MIR2052HG: variants seen among roughly 807,000 people sequenced by gnomAD.
The protein encoded by MIR2052HG is MIR2052 host gene.
chr8:74,651,906 G>C (rs2128736202), intron 2 of MIR2052HG, among the ~76,000 whole-genome samples: 1 of 152,272 alleles, frequency 6.6e-6, no homozygotes, highest in East Asian at 1.9e-4. Context: ...TAATAAGAGG[G>C]AAGAAAGGTA....
chr8:74,739,374 G>A (rs1391652607), intron 4 of MIR2052HG, among the ~76,000 whole-genome samples: 2 of 152,130 alleles, frequency 1.3e-5, no homozygotes, highest in Non-Finnish European at 2.9e-5. Flanking sequence ...ACGTTCCCCA[G>A]GGTTTTTGTA....
intron 2 of MIR2052HG, among the ~76,000 whole-genome samples, chr8:74,613,954 G>A (rs1272367162): frequency 1.3e-5 from 2 of 152,208 alleles, no homozygotes; most frequent in Non-Finnish European, 2.9e-5. Flanking sequence ...GATGGAGACA[G>A]TAGTTTTATA....
At chr8:74,662,585 G>GA (rs889677397) in intron 2 of MIR2052HG, among the ~76,000 whole-genome samples, 9 of 151,624 alleles carry the variant, frequency 5.9e-5, no homozygotes, top group African/African-American at 1.7e-4. Context: ...TAAAATAAAA[G>GA]AAAAAAAAGA....
At chr8:74,660,418 G>A (rs1563525350) in intron 2 of MIR2052HG, among the ~76,000 whole-genome samples, 1 of 152,168 alleles carries the variant, frequency 6.6e-6, no homozygotes, top group Non-Finnish European at 1.5e-5. Flanking sequence ...CTGTGGTTGA[G>A]GCAGCCAGGT....
rs1331957162 is a variant in MIR2052HG, at chr8:74,753,626, T to C, written n.464+1093T>C. ...TATATTTCCCACTGTACCCAAGCTA[T>C]TTTTTGCATTCTTCTTACCCCCAGG... On this transcript the variant is annotated intron_variant and non_coding_transcript_variant, in intron 5 of 6. Coordinates refer to ENST00000523442, the Ensembl canonical transcript of MIR2052HG. Among the ~76,000 whole-genome samples, 10 of 152,292 alleles carry C rather than the reference T, an allele frequency of 6.6e-5. No homozygotes were observed. The East Asian group carries it at 1.2e-3, about 18-fold the overall frequency.
intron 2 of MIR2052HG, among the ~76,000 whole-genome samples, chr8:74,623,532 T>C (rs1187653945): frequency 2.0e-5 from 3 of 152,228 alleles, no homozygotes; most frequent in African/African-American, 7.2e-5. Flanking sequence ...TTTTTAATTT[T>C]AAATTTTATT....
chr8:74,737,793 T>C (rs1809783166), intron 4 of MIR2052HG, among the ~76,000 whole-genome samples: 2 of 152,188 alleles, frequency 1.3e-5, no homozygotes, highest in Admixed American at 1.3e-4. Flanking sequence ...CTTTTGTTTT[T>C]GTTTGTTTTT....
intron 4 of MIR2052HG, among the ~76,000 whole-genome samples, chr8:74,739,517 A>G (rs1809804630): frequency 1.3e-5 from 2 of 152,206 alleles, no homozygotes; most frequent in African/African-American, 4.8e-5. Flanking sequence ...TTTAGAGTGC[A>G]CTGAGATGGC....
intron 4 of MIR2052HG, among the ~76,000 whole-genome samples, chr8:74,748,226 T>C (rs1436294103): frequency 6.6e-6 from 1 of 152,242 alleles, no homozygotes; most frequent in Non-Finnish European, 1.5e-5. Flanking sequence ...TATGACTTGA[T>C]GGACCTGTTA....
chr8:74,698,595 C>T (rs1809324894), intron 2 of MIR2052HG, among the ~76,000 whole-genome samples: 1 of 152,150 alleles, frequency 6.6e-6, no homozygotes. Context: ...AGATAATCTT[C>T]ACAAACTATG....
At chr8:74,613,885 C>T (rs1808238300) in intron 2 of MIR2052HG, among the ~76,000 whole-genome samples, 2 of 152,012 alleles carry the variant, frequency 1.3e-5, no homozygotes, top group South Asian at 4.1e-4. Context: ...AGCTACTGGC[C>T]ATGAATTAGG....
chr8:74,613,027 C>G, intron 2 of MIR2052HG: 1 of 430,596 alleles, frequency 2.3e-6, no homozygotes, highest in South Asian at 1.6e-5. Context: ...GACAGTGAAA[C>G]CTCACTAAAG....
At chr8:74,698,305 T>A (rs554761696) in intron 2 of MIR2052HG, among the ~76,000 whole-genome samples, 1 of 152,158 alleles carries the variant, frequency 6.6e-6, no homozygotes, top group African/African-American at 2.4e-5. Flanking sequence ...GCTAGCCGCA[T>A]GTAGGAGAAT....
intron 2 of MIR2052HG, among the ~76,000 whole-genome samples, chr8:74,642,054 T>C (rs1473300169): frequency 2.0e-5 from 3 of 152,088 alleles, no homozygotes; most frequent in Admixed American, 6.6e-5. Flanking sequence ...TTTCAGATGT[T>C]CTATTCATAT....
intron 2 of MIR2052HG, among the ~76,000 whole-genome samples, chr8:74,660,082 C>T (rs1405329700): frequency 6.6e-6 from 1 of 152,190 alleles, no homozygotes; most frequent in Non-Finnish European, 1.5e-5. Flanking sequence ...ATCTGCACAA[C>T]AGAGCATCAT....
At chr8:74,609,482 GAT>G (rs1029679354) in intron 1 of MIR2052HG, among the ~76,000 whole-genome samples, 1 of 151,644 alleles carries the variant, frequency 6.6e-6, no homozygotes, top group Non-Finnish European at 1.5e-5. Flanking sequence ...ACCAGACAAA[GAT>G]ATTGCAAAGG....
chr8:74,757,911 C>A lies in MIR2052HG; in HGVS notation n.465-200C>A, dbSNP rs1020049895. Reference sequence around the variant, plus strand: ...AAATACCAAAAAATGTCAGCCCAACCGCCTGAGTTTAATCAGATGTTTAAT... The same window carrying A: ...AAATACCAAAAAATGTCAGCCCAACAGCCTGAGTTTAATCAGATGTTTAAT... On this transcript the variant is annotated intron_variant and non_coding_transcript_variant, in intron 5 of 6. Transcript: ENST00000523442. The A allele has an allele frequency of 2.6e-5, 4 of 152,056 alleles. No homozygotes were observed. In the East Asian group the frequency reaches 5.8e-4, roughly 22 times the overall value. 9.4% of individuals were successfully genotyped at this position (152,056 alleles called of 1,614,324 possible). A position where few individuals can be genotyped will look rare whatever the true frequency, so the allele number is the denominator to read the frequency against.
chr8:74,737,686 A>T (rs1809781921), intron 4 of MIR2052HG, among the ~76,000 whole-genome samples: 1 of 152,166 alleles, frequency 6.6e-6, no homozygotes, highest in African/African-American at 2.4e-5. Flanking sequence ...GCCTGGATTC[A>T]TGAGCCCACA....
At chr8:74,631,265 A>T (rs1235514253) in intron 2 of MIR2052HG, among the ~76,000 whole-genome samples, 1 of 152,222 alleles carries the variant, frequency 6.6e-6, no homozygotes. Context: ...AGTAGGAGGG[A>T]AATTAAATAT....
Sources: gnomAD v4.1 joint callset for allele counts (sites outside exome capture counted in the v4.1 genomes callset) on GRCh38, gnomAD v4.1.1 for gene constraint, MANE v1.5 for transcripts, NCBI Gene and HGNC (gene_info 2026-07-23, HGNC 2026-07-21) for gene names.